MYO7B: variants seen among roughly 807,000 people sequenced by gnomAD.
MYO7B encodes the protein unconventional myosin-VIIb.
Under a neutral mutation model 259.7 loss-of-function variants are expected in MYO7B, and 212 were observed. The observed-to-expected ratio is 0.82, with a 90% CI of 0.73 to 0.91. The LOEUF (loss-of-function observed/expected upper bound fraction) is 0.91. Ranked by LOEUF, MYO7B falls within the 40% of genes least tolerant of loss-of-function variation. The pLI is 0.00. For synonymous variants in MYO7B, 1,197 were observed against 1,166.4 expected, an observed-to-expected ratio of 1.03 and a Z score of -0.54; for missense variants, 2,732 against 2,813.5, an observed-to-expected ratio of 0.97 and a Z score of 0.66.
chr2:127,609,226 AG>A lies in MYO7B; in HGVS notation c.2815-278del, dbSNP rs1471179065. Among the ~76,000 whole-genome samples the A allele has an allele frequency of 6.6e-6, 1 of 151,822 alleles. No homozygotes were observed. Among genetic ancestry groups the A allele is most frequent in the Non-Finnish European group, 1.5e-5 (1 of 67,940 alleles). ...CAGTGTGGCTGAGGAAGCTGCAGTG[AG>A]GATGGTGCATGCGGCAGAGGACACA... On this transcript the variant is annotated intron_variant, in intron 22 of 47. Coordinates refer to ENST00000409816, the MANE Select transcript of MYO7B (RefSeq NM_001393586.1). This position sits in a 1 kb window ranked among gnomAD's most constrained non-coding sequence, Gnocchi z 6.9.
chr2:127,569,745 A>G (rs1678506391), intron 5 of MYO7B, 44 bp from the exon 6 acceptor site: 2 of 1,578,054 alleles, frequency 1.3e-6, no homozygotes, highest in African/African-American at 1.4e-5. Context: ...GTTGAAAAAA[A>G]TAGTCGTTTT....
chr2:127,608,986 C>G (rs1328605721), intron 22 of MYO7B, 108 bp downstream of exon 22: 1 of 1,390,974 alleles, frequency 7.2e-7, no homozygotes, highest in Non-Finnish European at 9.8e-7. Context: ...AGAGCGGTGG[C>G]CAAGTGTGTG....
rs1433723944 is a variant in MYO7B, at chr2:127,577,114, G to C, written c.849+406G>C. 2.0e-5 allele frequency among the ~76,000 whole-genome samples: 3 copies of C among 152,076 alleles called. No homozygotes were observed. The highest frequency in any genetic ancestry group is 4.4e-5 in the Non-Finnish European group (3 of 68,014). On this transcript the variant is annotated intron_variant, in intron 8 of 47. Coordinates refer to ENST00000409816, the MANE Select transcript of MYO7B (RefSeq NM_001393586.1). The surrounding 1 kb of genome is among the most constrained non-coding windows in gnomAD (Gnocchi z 5.2). ...GCCCCAGGAAAGCAAAGCCCTTCCT[G>C]TGCTCCCAGCTGCACCCGCCACCTA...
Position 127,629,720 on chromosome 2 carries a change from A to G in MYO7B, c.4700A>G (p.Glu1567Gly). Reference sequence around the variant, plus strand: ...AAGAAGCAGGGGCTGCTGGCCTCTGAGAACTGGACCCTCGGCCAGAACGAC... The same window carrying G: ...AAGAAGCAGGGGCTGCTGGCCTCTGGGAACTGGACCCTCGGCCAGAACGAC... ...LTKKQGLLASENWTLGQNDRT... is the reference protein window; with the variant it reads ...LTKKQGLLASGNWTLGQNDRT... Residue 1567 changes from glutamate (E) to glycine (G), a missense_variant, in exon 35 of 48, where the codon GAG becomes GGG. By Grantham distance (98) the Glu-to-Gly change is moderately conservative. Coordinates refer to ENST00000409816, the MANE Select transcript of MYO7B (RefSeq NM_001393586.1). 1.2e-6 allele frequency: 2 copies of G among 1,612,372 alleles called. No homozygotes were observed. Among genetic ancestry groups the G allele is most frequent in the Non-Finnish European group, 1.7e-6 (2 of 1,179,516 alleles).
chr2:127,591,942 A>G (rs558143191), intron 16 of MYO7B, among the ~76,000 whole-genome samples: 1 of 152,202 alleles, frequency 6.6e-6, no homozygotes, highest in Non-Finnish European at 1.5e-5. Context: ...TCTGACCTCC[A>G]TCTCCAGGGA....
intron 9 of MYO7B, 124 bp from the exon 10 acceptor site, chr2:127,580,622 G>A: frequency 1.1e-6 from 1 of 906,012 alleles, no homozygotes; most frequent in Non-Finnish European, 1.7e-6. Context: ...AGAGACCGTG[G>A]CTTACGCCAG....
intron 1 of MYO7B, among the ~76,000 whole-genome samples, chr2:127,540,169 A>ATTTT (rs1289905764): frequency 1.4e-5 from 2 of 147,592 alleles, no homozygotes; most frequent in Non-Finnish European, 1.5e-5. Context: ...TTCTGGTTTT[A>ATTTT]TTTTTTTTTT....
chr2:127,595,538 C>T (rs1679742212), intron 18 of MYO7B, among the ~76,000 whole-genome samples: 1 of 152,120 alleles, frequency 6.6e-6, no homozygotes, highest in Non-Finnish European at 1.5e-5. Flanking sequence ...TCTTGATTCT[C>T]TAGTTATTTT....
chr2:127,631,110 G>A, intron 36 of MYO7B, 96 bp from the exon 37 acceptor site: 3 of 1,451,480 alleles, frequency 2.1e-6, no homozygotes, highest in Non-Finnish European at 1.8e-6. Flanking sequence ...GGGGTGCTCT[G>A]GCCCTCCCAC....
intron 1 of MYO7B, among the ~76,000 whole-genome samples, chr2:127,549,110 C>T (rs530271875): frequency 6.6e-6 from 1 of 152,062 alleles, no homozygotes; most frequent in East Asian, 1.9e-4. Context: ...AGTATAGCTA[C>T]TCCAACTCTC....
In MYO7B at chr2:127,628,338, G is replaced by A. The variant is rs1428098309; in HGVS notation, c.4461-34G>A. ...AGGGGCTGGATCAGGGGAAGGTGGA[G>A]GGGGCTCCTGGTCACGCTGTCCTTC... On this transcript the variant is annotated intron_variant, in intron 33 of 47. Coordinates refer to ENST00000409816, the MANE Select transcript of MYO7B (RefSeq NM_001393586.1). This position sits in a 1 kb window ranked among gnomAD's most constrained non-coding sequence, Gnocchi z 4.8. 6.3e-7 allele frequency: 1 copy of A among 1,575,312 alleles called. No individual in the cohort carries two copies. The highest frequency in any genetic ancestry group is 1.8e-5 in the Admixed American group (1 of 54,732).
intron 31 of MYO7B, 84 bp from the exon 32 acceptor site, chr2:127,626,891 A>G: frequency 7.9e-7 from 1 of 1,266,678 alleles, no homozygotes; most frequent in Non-Finnish European, 1.1e-6. Flanking sequence ...AGAAGGATCC[A>G]TCAACTCTTT....
chr2:127,555,945 T>G (rs957375540), intron 1 of MYO7B, among the ~76,000 whole-genome samples: 1 of 152,194 alleles, frequency 6.6e-6, no homozygotes, highest in Non-Finnish European at 1.5e-5. Context: ...AATCCATTGT[T>G]TTTTTGTTGA....
intron 1 of MYO7B, among the ~76,000 whole-genome samples, chr2:127,537,185 G>A (rs1692816985): frequency 6.6e-6 from 1 of 152,136 alleles, no homozygotes; most frequent in Non-Finnish European, 1.5e-5. Context: ...AAACAAAAGG[G>A]GATTAGTCAT....
At chr2:127,592,221 C>G (rs1319954576) in intron 16 of MYO7B, among the ~76,000 whole-genome samples, 1 of 152,142 alleles carries the variant, frequency 6.6e-6, no homozygotes, top group Non-Finnish European at 1.5e-5. Context: ...TGGTGAAACT[C>G]CGTCTTTAAC....
rs957846875 is a variant in MYO7B, at chr2:127,615,625, G to T, written c.3398+3022G>T. Among the ~76,000 whole-genome samples the T allele has an allele frequency of 3.3e-5, 5 of 152,022 alleles. No individual in the cohort carries two copies. Among genetic ancestry groups the T allele is most frequent in the African/African-American group, 9.7e-5 (4 of 41,378 alleles). ...CACAAGAAACACTTGTGCCTGGGTC[G>T]TGACTGCCCTCAGCATTCCTTCTGG... On this transcript the variant is annotated intron_variant, in intron 26 of 47. Coordinates refer to ENST00000409816, the MANE Select transcript of MYO7B (RefSeq NM_001393586.1). This position sits in a 1 kb window ranked among gnomAD's most constrained non-coding sequence, Gnocchi z 4.4.
chr2:127,580,067 C>T (rs1402053936), intron 9 of MYO7B, among the ~76,000 whole-genome samples: 2 of 152,138 alleles, frequency 1.3e-5, no homozygotes, highest in African/African-American at 2.4e-5. Flanking sequence ...TTGGCTTTAG[C>T]GTGGTTACGT....
At chr2:127,618,959 G>A (rs1680699088) in intron 26 of MYO7B, among the ~76,000 whole-genome samples, 1 of 152,144 alleles carries the variant, frequency 6.6e-6, no homozygotes, top group Non-Finnish European at 1.5e-5. Flanking sequence ...GGAGACAGAT[G>A]GTAGCATGTG....
intron 1 of MYO7B, among the ~76,000 whole-genome samples, chr2:127,541,436 C>T (rs2052953): frequency 0.55 from 83,576 of 152,108 alleles, 23,997 homozygotes; most frequent in Admixed American, 0.68. Flanking sequence ...AAGCAGTGAA[C>T]GTCACTACAA....
Sources: gnomAD v4.1 joint callset for allele counts (sites outside exome capture counted in the v4.1 genomes callset) on GRCh38, gnomAD v4.1.1 for gene constraint, Gnocchi (gnomAD v3.1) non-coding constraint, MANE v1.5 for transcripts, NCBI Gene and HGNC (gene_info 2026-07-23, HGNC 2026-07-21) for gene names.